CFAP74: variants seen among roughly 807,000 people sequenced by gnomAD.
CFAP74 encodes cilia- and flagella-associated protein 74.
In CFAP74, 124 loss-of-function variants were observed where a neutral mutation model predicts 188.9. That is an observed-to-expected ratio of 0.66 (90% CI 0.57 to 0.76). CFAP74 has a LOEUF of 0.76. CFAP74 is among the 30% of genes least tolerant of loss of function. The pLI is 0.00. For missense variants in CFAP74, 2,198 were observed against 2,165.2 expected (o/e 1.02, Z -0.30); for synonymous variants, 956 against 916.7 (o/e 1.04, Z -0.77).
intron 1 of CFAP74, among the ~76,000 whole-genome samples, chr1:1,992,246 C>G (rs1461924054): frequency 1.3e-5 from 2 of 151,660 alleles, no homozygotes; most frequent in African/African-American, 2.4e-5. Flanking sequence ...TTTACTACAG[C>G]CTCAAACTTC....
rs188118059 is a variant in CFAP74, at chr1:1,987,513, G to A, written c.297-478C>T. 1.7e-3 allele frequency among the ~76,000 whole-genome samples: 260 copies of A among 151,780 alleles called. 1 individual carries two copies. The highest frequency in any genetic ancestry group is 6.0e-3 in the African/African-American group (249 of 41,276). ...GACTCAGGCCTCAGGTACAAACAAC[G>A]GAGCAAAGCCCAGAGCATGAACTCT... On this transcript the variant is annotated intron_variant, in intron 4 of 38. Coordinates refer to ENST00000682832, the MANE Select transcript of CFAP74 (RefSeq NM_001304360.2).
At position 1,998,094 on chromosome 1, in the gene CFAP74, A is replaced by G. The variant is rs1006953620; in HGVS notation, c.-20+5607T>C. ...GGAGTTCGAGACCTGCCTGGCCAAT[A>G]TGGTAAAACCTCATCTCTACTAAAA... On this transcript the variant is annotated intron_variant, in intron 1 of 38. Coordinates refer to ENST00000682832, the MANE Select transcript of CFAP74 (RefSeq NM_001304360.2). Among the ~76,000 whole-genome samples, 9 of 152,208 alleles carry G rather than the reference A, an allele frequency of 5.9e-5. No homozygotes were observed. In the South Asian group the frequency reaches 1.7e-3, roughly 28 times the overall value.
rs763119648 is a variant in CFAP74, at chr1:1,964,909, T to C, written c.1554A>G (p.Lys518=). Residue 518 remains lysine, a synonymous_variant, in exon 13 of 39, where the codon AAA becomes AAG. Transcript: ENST00000682832. ...TCACCTGGAAGTGGAGGAGCTCCGG[T>C]TTGCTGTTGAAGGGGCGTCCTTGGA... is the stretch of plus-strand genomic sequence containing the variant. ...REFQGRPFNS[K]PELLHFQDFD... 8.7e-6 allele frequency: 14 copies of C among 1,613,770 alleles called. No homozygotes were observed. Among genetic ancestry groups the C allele is most frequent in the Non-Finnish European group, 1.2e-5 (14 of 1,179,926 alleles).
intron 12 of CFAP74, among the ~76,000 whole-genome samples, 162 bp downstream of exon 12, chr1:1,966,209 C>T (rs1044838471): frequency 3.9e-5 from 6 of 152,074 alleles, no homozygotes; most frequent in African/African-American, 1.4e-4. Flanking sequence ...GAGAGGGAGG[C>T]GGGGGGCGTC....
rs200938710 is a variant in CFAP74, at chr1:1,972,042, C to G, written c.826G>C (p.Glu276Gln). Residue 276 changes from glutamate to glutamine, a missense_variant, in exon 9 of 39, where the codon GAG (glutamate) becomes CAG (glutamine). By Grantham distance (29) the Glu-to-Gln change is conservative. Transcript: ENST00000682832. ...QEKKEEMECH[E>Q]YMRRRMDAVV... ...GCATCCATGCGTCGCCTCATGTACT[C>G]GTGGCACTCCATCTCCTCCTTCTTC... 20 of 1,612,924 alleles carry G rather than the reference C, an allele frequency of 1.2e-5. No individual in the cohort carries two copies. The highest frequency in any genetic ancestry group is 1.2e-4 in the Admixed American group (7 of 60,010).
intron 11 of CFAP74, among the ~76,000 whole-genome samples, chr1:1,967,520 G>C (rs1247087299): frequency 6.6e-6 from 1 of 152,142 alleles, no homozygotes; most frequent in Non-Finnish European, 1.5e-5. Flanking sequence ...CGGGTGCAAA[G>C]GCCCCGGCGT....
chr1:1,946,391 C>T lies in CFAP74; in HGVS notation c.2290G>A (p.Val764Ile), dbSNP rs779493285. 1.4e-5 allele frequency: 22 copies of T among 1,536,968 alleles called. No homozygotes were observed. The highest frequency in any genetic ancestry group is 4.1e-5 in the African/African-American group (3 of 73,042). Residue 764 changes from valine (V) to isoleucine (I), a missense_variant, in exon 20 of 39, where the codon GTC (valine) becomes ATC (isoleucine). Coordinates refer to ENST00000682832, the MANE Select transcript of CFAP74 (RefSeq NM_001304360.2). ...TCGCCTGGGACGACCGGAGTGAAGA[C>T]GATGGGCACCTTGATGGAGCTGAAG... ...GPFSSIKVPI[V>I]FTPVVPGDVQ...
chr1:1,966,314 C>G (rs4648600), intron 12 of CFAP74, 57 bp downstream of exon 12: 339,466 of 1,403,708 alleles, frequency 0.24, 42,152 homozygotes, highest in East Asian at 0.26. Context: ...AGGTGGCGAG[C>G]CGGCGACAGA....
chr1:1,930,833 A>C (rs1652311878), intron 25 of CFAP74, among the ~76,000 whole-genome samples: 1 of 152,188 alleles, frequency 6.6e-6, no homozygotes, highest in Non-Finnish European at 1.5e-5. Flanking sequence ...CTTTTTCTCT[A>C]AATGGAAGCA....
chr1:1,969,710 G>GC (rs1174111217), intron 10 of CFAP74, among the ~76,000 whole-genome samples: 1 of 152,172 alleles, frequency 6.6e-6, no homozygotes, highest in Non-Finnish European at 1.5e-5. Flanking sequence ...GGACCCCCCC[G>GC]CCCAGGTGGG....
chr1:2,001,426 T>A (rs1658202159), intron 1 of CFAP74, among the ~76,000 whole-genome samples: 1 of 151,578 alleles, frequency 6.6e-6, no homozygotes. Flanking sequence ...GCCTCCTGGG[T>A]TCACGCCATT....
In CFAP74 at chr1:1,984,421, GA is replaced by G. The variant is rs1558058600; in HGVS notation, c.500+964del. ...TGGCGCAGGTGCTGCTGAGCAGTGA[GA>G]GGGGCATGACAGAGCCAGTTGTCAA... is the stretch of plus-strand genomic sequence containing the variant. On this transcript the variant is annotated intron_variant, in intron 6 of 38. Coordinates refer to ENST00000682832, the MANE Select transcript of CFAP74 (RefSeq NM_001304360.2). The G allele has an allele frequency of 3.3e-5, 5 of 152,118 alleles. No individual in the cohort carries two copies. In the South Asian group the frequency reaches 6.2e-4, roughly 19 times the overall value. The allele number at this position is 152,118 out of a possible 1,614,324, so 9.4% of individuals were successfully genotyped here.
chr1:1,957,960 G>A (rs1483824687), intron 16 of CFAP74, among the ~76,000 whole-genome samples: 1 of 152,202 alleles, frequency 6.6e-6, no homozygotes, highest in Non-Finnish European at 1.5e-5. Context: ...AACCCAAGCG[G>A]GGCCACTTGA....
intron 8 of CFAP74, 136 bp downstream of exon 8, chr1:1,972,801 C>G (rs2102082379): frequency 2.9e-6 from 2 of 698,610 alleles, no homozygotes; most frequent in South Asian, 1.6e-5. Flanking sequence ...GAGATCGCGC[C>G]ACGGCACCCC....
At chr1:1,992,181 T>C (rs914872586) in intron 1 of CFAP74, among the ~76,000 whole-genome samples, 20 of 152,184 alleles carry the variant, frequency 1.3e-4, no homozygotes, top group Admixed American at 1.2e-3. Context: ...CTGTTTTCTT[T>C]TGTGACAGGG....
chr1:1,947,870 CCT>C (rs1252473437), intron 18 of CFAP74, among the ~76,000 whole-genome samples: 4 of 152,162 alleles, frequency 2.6e-5, no homozygotes, highest in African/African-American at 4.8e-5. Context: ...CGCAGGGACC[CCT>C]GTTCTTTTTT....
rs1657393298 is a variant in CFAP74, at chr1:1,988,750, T to C, written c.153-95A>G. On this transcript the variant is annotated intron_variant, in intron 3 of 38. Coordinates refer to ENST00000682832, the MANE Select transcript of CFAP74 (RefSeq NM_001304360.2). The stretch of plus-strand genomic sequence containing the variant: ...TGCCGGGGTAGGTGCCTGACAGTTC[T>C]GCTTCAGGGCGGGAGCTGCGGGAGC... The C allele has an allele frequency of 2.0e-6, 3 of 1,505,484 alleles. No individual in the cohort carries two copies. The African/African-American group carries it at 4.1e-5, about 21-fold the overall frequency. The allele number at this position is 1,505,484 out of a possible 1,614,324, so 93.3% of individuals were successfully genotyped here. A position where few individuals can be genotyped will look rare whatever the true frequency, so the allele number is the denominator to read the frequency against.
chr1:1,966,118 C>T (rs990369860), intron 12 of CFAP74, among the ~76,000 whole-genome samples: 6 of 152,254 alleles, frequency 3.9e-5, no homozygotes, highest in Non-Finnish European at 8.8e-5. Context: ...GGTGACCGAG[C>T]TGTCTGTCAG....
intron 12 of CFAP74, among the ~76,000 whole-genome samples, 189 bp from the exon 13 acceptor site, chr1:1,965,250 G>GA (rs3838974): frequency 0.25 from 37,812 of 152,104 alleles, 4,848 homozygotes; most frequent in African/African-American, 0.28. Context: ...GAAAGGCCCT[G>GA]GGGACCGACT....
Sources: gnomAD v4.1 joint callset for allele counts (sites outside exome capture counted in the v4.1 genomes callset) on GRCh38, gnomAD v4.1.1 for gene constraint, MANE v1.5 for transcripts, NCBI Gene and HGNC (gene_info 2026-07-23, HGNC 2026-07-21) for gene names.